The following ASB3 variants were observed in gnomAD, a reference collection of about 807,000 sequenced individuals.
ASB3 encodes the protein ankyrin repeat and SOCS box protein 3.
ASB3 carries 41 observed loss-of-function variants against 54.5 expected under a neutral mutation model. The ratio of observed to expected loss-of-function variants is 0.75; its 90% CI spans 0.59 to 0.98. The LOEUF is 0.98. ASB3 is among the 50% of genes least tolerant of loss of function. The pLI is 0.00. For missense variants in ASB3, 733 were observed against 620.0 expected, an observed-to-expected ratio of 1.18 and a Z score of -1.94; for synonymous variants, 266 against 221.2, an observed-to-expected ratio of 1.20 and a Z score of -1.80.
intron 7 of ASB3, among the ~76,000 whole-genome samples, chr2:53,702,031 TAAC>T (rs1478680576): frequency 7.9e-5 from 12 of 152,206 alleles, no homozygotes; most frequent in African/African-American, 2.9e-4. Context: ...CAAACTTATT[TAAC>T]AATACAACCC....
intron 3 of ASB3, among the ~76,000 whole-genome samples, chr2:53,746,271 G>A (rs1015670652): frequency 3.3e-5 from 5 of 151,904 alleles, no homozygotes; most frequent in South Asian, 2.1e-4. Context: ...CTCCAGCCTC[G>A]GCAAAAGAGC....
At chr2:53,727,551 G>A (rs1048183494) in intron 5 of ASB3, among the ~76,000 whole-genome samples, 2 of 152,082 alleles carry the variant, frequency 1.3e-5, no homozygotes, top group South Asian at 2.1e-4. Flanking sequence ...GGGCAAAATC[G>A]CTGGAGGTCA....
At chr2:53,726,792 G>T (rs1477840967) in intron 5 of ASB3, among the ~76,000 whole-genome samples, 1 of 151,844 alleles carries the variant, frequency 6.6e-6, no homozygotes, top group Non-Finnish European at 1.5e-5. Flanking sequence ...TGCCTCATGG[G>T]TTCAAGAGAT....
intron 1 of ASB3, among the ~76,000 whole-genome samples, 175 bp from the exon 2 acceptor site, chr2:53,765,760 G>A (rs1052145881): frequency 6.6e-6 from 1 of 152,178 alleles, no homozygotes; most frequent in Non-Finnish European, 1.5e-5. Context: ...AAAGCAGGAA[G>A]TTTCTCTGTT....
At chr2:53,692,403 G>A (rs995160384) in intron 9 of ASB3, among the ~76,000 whole-genome samples, 7 of 152,232 alleles carry the variant, frequency 4.6e-5, no homozygotes, top group African/African-American at 1.4e-4. Flanking sequence ...AAGAGGGCTT[G>A]GCTAGAGAAA....
intron 3 of ASB3, among the ~76,000 whole-genome samples, chr2:53,738,954 G>C (rs890875269): frequency 2.0e-5 from 3 of 152,120 alleles, no homozygotes; most frequent in African/African-American, 7.2e-5. Context: ...AAACAGGTAA[G>C]ACTCCAAACA....
At chr2:53,728,469 C>A (rs1267722716) in intron 5 of ASB3, among the ~76,000 whole-genome samples, 1 of 152,174 alleles carries the variant, frequency 6.6e-6, no homozygotes, top group Admixed American at 6.6e-5. Flanking sequence ...TGCCAATAAA[C>A]CTGCTTTAGT....
At chr2:53,780,257 C>G (rs1674569226) in intron 1 of ASB3, among the ~76,000 whole-genome samples, 1 of 152,092 alleles carries the variant, frequency 6.6e-6, no homozygotes, top group African/African-American at 2.4e-5. Flanking sequence ...TGTCAAATTT[C>G]ACTTCCCACT....
chr2:53,753,039 G>A (rs1385466224), intron 2 of ASB3, among the ~76,000 whole-genome samples: 6 of 151,274 alleles, frequency 4.0e-5, no homozygotes, highest in East Asian at 1.9e-4. Context: ...CTTAATGTAC[G>A]CAATTTAAAA....
chr2:53,762,164 G>T (rs960717907), intron 2 of ASB3, among the ~76,000 whole-genome samples: 1 of 147,986 alleles, frequency 6.8e-6, no homozygotes, highest in African/African-American at 2.5e-5. Flanking sequence ...AGTGAGAAGT[G>T]ATCTAACTGT....
At chr2:53,765,676 T>C in intron 1 of ASB3, 91 bp from the exon 2 acceptor site, 2 of 1,461,846 alleles carry the variant, frequency 1.4e-6, no homozygotes, top group Non-Finnish European at 1.9e-6. Context: ...CTGTCTAGTA[T>C]CTCTCACATG....
intron 5 of ASB3, among the ~76,000 whole-genome samples, chr2:53,720,882 G>A (rs575749974): frequency 7.9e-5 from 12 of 152,046 alleles, no homozygotes; most frequent in African/African-American, 2.7e-4. Flanking sequence ...TTGTGAGGCC[G>A]AGATGGGCAG....
rs1474541839 is a variant in ASB3 at position 53,714,482 on chromosome 2, A to G, written c.882T>C (p.Asp294=). 1.9e-6 allele frequency: 3 copies of G among 1,614,222 alleles called. No individual in the cohort carries two copies. The highest frequency in any genetic ancestry group is 2.5e-6 in the Non-Finnish European group (3 of 1,180,030). Residue 294 remains aspartate (D), a synonymous_variant, in exon 7 of 10, where the codon GAT becomes GAC. Coordinates refer to ENST00000263634, the MANE Select transcript of ASB3 (RefSeq NM_016115.5). ...VYSAVFGGHE[D]CLEILLRNGY... is the part of the protein sequence containing the mutation. ...CATTCCGGAGTAATATTTCTAGGCAATCTTCATGTCCCCCAAACACTGCTG... is the reference window on the plus strand; with the variant it reads ...CATTCCGGAGTAATATTTCTAGGCAGTCTTCATGTCCCCCAAACACTGCTG...
chr2:53,723,871 G>A (rs1258702124), intron 5 of ASB3, among the ~76,000 whole-genome samples: 3 of 152,106 alleles, frequency 2.0e-5, no homozygotes, highest in Non-Finnish European at 4.4e-5. Context: ...TAGTATAGCT[G>A]GCTAGCTACA....
intron 1 of ASB3, chr2:53,772,063 CTCTG>C: frequency 1.6e-6 from 1 of 630,414 alleles, no homozygotes; most frequent in Non-Finnish European, 2.7e-6. Context: ...TAGAATTCTT[CTCTG>C]TATTTGTGGG....
At chr2:53,777,813 C>T (rs1490700085) in intron 1 of ASB3, among the ~76,000 whole-genome samples, 1 of 152,156 alleles carries the variant, frequency 6.6e-6, no homozygotes, top group Non-Finnish European at 1.5e-5. Flanking sequence ...AAATTTTACC[C>T]TTTGTTTTAC....
Position 53,700,274 on chromosome 2 carries a change from G to A in ASB3, c.1235C>T (p.Ser412Phe). ...CGACTATGGTAGAATTTCTTACCAA[G>A]AATTGCACAGTAGAATCAGTGGGTC... ...GFDPLILLCN[S>F]WIDSVSIDTL... The change falls in exon 8 of 10, where the codon TCT becomes TTT. Residue 412 changes from serine (S) to phenylalanine (F), a missense_variant. Ser to Phe is a radical substitution (Grantham distance 155, BLOSUM62 -2). Transcript: ENST00000263634. The A allele has an allele frequency of 6.2e-7, 1 of 1,612,258 alleles. No homozygotes were observed. The highest frequency in any genetic ancestry group is 8.5e-7 in the Non-Finnish European group (1 of 1,179,100).
At chr2:53,729,595 T>G (rs1671188885) in intron 3 of ASB3, 25 bp from the exon 4 acceptor site, 1 of 1,606,648 alleles carries the variant, frequency 6.2e-7, no homozygotes, top group African/African-American at 1.3e-5. Context: ...TTAGAAAAAT[T>G]AATGTCAGCA....
intron 3 of ASB3, among the ~76,000 whole-genome samples, chr2:53,734,499 C>T (rs1008325391): frequency 6.6e-6 from 1 of 152,198 alleles, no homozygotes; most frequent in Non-Finnish European, 1.5e-5. Context: ...CAAATGTCTA[C>T]TTAGTGCCTA....
Sources: gnomAD v4.1 joint callset for allele counts (sites outside exome capture counted in the v4.1 genomes callset) on GRCh38, gnomAD v4.1.1 for gene constraint, MANE v1.5 for transcripts, NCBI Gene and HGNC (gene_info 2026-07-23, HGNC 2026-07-21) for gene names.